Variants in SNTG1 observed in about 807,000 individuals in gnomAD.
SNTG1 encodes gamma-1-syntrophin.
In SNTG1, 39 loss-of-function variants were observed where a neutral mutation model predicts 74.7. The observed-to-expected ratio is 0.52, with a 90% CI of 0.40 to 0.68. The LOEUF is 0.68. SNTG1 is among the 30% of genes least tolerant of loss of function. The pLI is 0.00. For missense variants in SNTG1, 685 were observed against 609.5 expected, an observed-to-expected ratio of 1.12 and a Z score of -1.30; for synonymous variants, 254 against 217.1, an observed-to-expected ratio of 1.17 and a Z score of -1.49.
chr8:49,943,089 T>C (rs1252070949), intron 1 of SNTG1, among the ~76,000 whole-genome samples: 2 of 152,236 alleles, frequency 1.3e-5, no homozygotes. Flanking sequence ...ATTTCAGTCA[T>C]AATGCAATAC....
chr8:50,774,982 T>C (rs541616155), intron 18 of SNTG1, among the ~76,000 whole-genome samples: 2 of 150,626 alleles, frequency 1.3e-5, no homozygotes, highest in African/African-American at 2.4e-5. Flanking sequence ...TATATACTTA[T>C]ATATAATTTA....
intron 2 of SNTG1, among the ~76,000 whole-genome samples, chr8:50,365,527 G>C (rs1462167919): frequency 1.3e-5 from 2 of 151,992 alleles, no homozygotes; most frequent in Non-Finnish European, 2.9e-5. Flanking sequence ...TGATATATCT[G>C]ATCTAAAGTA....
intron 9 of SNTG1, among the ~76,000 whole-genome samples, chr8:50,522,879 A>T (rs1433556119): frequency 1.3e-5 from 2 of 152,008 alleles, no homozygotes; most frequent in Non-Finnish European, 2.9e-5. Flanking sequence ...ACCTGGCTTG[A>T]CTTCCTTTTA....
At chr8:50,502,188 G>A (rs909190233) in intron 8 of SNTG1, among the ~76,000 whole-genome samples, 1 of 151,908 alleles carries the variant, frequency 6.6e-6, no homozygotes, top group Non-Finnish European at 1.5e-5. Context: ...GGTTTGCAGG[G>A]GAAAGAAAAG....
chr8:50,123,265 A>G (rs1219174744), intron 1 of SNTG1, among the ~76,000 whole-genome samples: 1 of 143,074 alleles, frequency 7.0e-6, no homozygotes, highest in African/African-American at 2.5e-5. Flanking sequence ...ACACAATTAC[A>G]TCGGTGCATA....
At chr8:50,613,829 A>C (rs1391742585) in intron 13 of SNTG1, among the ~76,000 whole-genome samples, 2 of 152,266 alleles carry the variant, frequency 1.3e-5, no homozygotes. Context: ...CGATAACATA[A>C]ATTTGTACAA....
chr8:50,255,134 T>G (rs920510402), intron 2 of SNTG1, among the ~76,000 whole-genome samples: 3 of 152,036 alleles, frequency 2.0e-5, no homozygotes, highest in Non-Finnish European at 4.4e-5. Context: ...TGAGCTCATC[T>G]TAGAGAACTA....
intron 1 of SNTG1, among the ~76,000 whole-genome samples, chr8:50,139,449 T>C (rs912621717): frequency 6.6e-6 from 1 of 152,188 alleles, no homozygotes; most frequent in African/African-American, 2.4e-5. Context: ...TGACTAGCAC[T>C]CCCAGAAGAG....
chr8:50,084,436 G>A (rs1019000329), intron 1 of SNTG1, among the ~76,000 whole-genome samples: 1 of 152,092 alleles, frequency 6.6e-6, no homozygotes, highest in African/African-American at 2.4e-5. Context: ...CTCCAGCCTG[G>A]TGACAGAGTG....
chr8:50,414,144 G>T (rs1428251784), intron 4 of SNTG1, among the ~76,000 whole-genome samples: 1 of 152,174 alleles, frequency 6.6e-6, no homozygotes, highest in Non-Finnish European at 1.5e-5. Flanking sequence ...TCATGGTCTT[G>T]GCACTCTATA....
intron 2 of SNTG1, among the ~76,000 whole-genome samples, chr8:50,356,068 C>T (rs1441638488): frequency 1.3e-5 from 2 of 151,944 alleles, no homozygotes; most frequent in Admixed American, 6.6e-5. Context: ...GTCTGTCTTT[C>T]AGCATTTTGG....
chr8:50,351,291 G>C (rs941048963), intron 2 of SNTG1, among the ~76,000 whole-genome samples: 1 of 152,194 alleles, frequency 6.6e-6, no homozygotes, highest in East Asian at 1.9e-4. Context: ...ACCAGGACAA[G>C]TTGGGTACTT....
intron 8 of SNTG1, among the ~76,000 whole-genome samples, chr8:50,460,539 T>C (rs1366031175): frequency 6.6e-6 from 1 of 152,198 alleles, no homozygotes; most frequent in Non-Finnish European, 1.5e-5. Flanking sequence ...TTTTGAGGAC[T>C]TAGTTATAAA....
At chr8:49,930,535 T>G (rs1232286571) in intron 1 of SNTG1, among the ~76,000 whole-genome samples, 2 of 151,474 alleles carry the variant, frequency 1.3e-5, no homozygotes, top group Admixed American at 1.3e-4. Context: ...GTGTGTAGCA[T>G]ATGTACATAT....
In SNTG1 at chr8:50,792,999, G is replaced by T; in HGVS notation, c.*170G>T. 1 of 566,412 alleles carries T rather than the reference G, an allele frequency of 1.8e-6. No individual in the cohort carries two copies. Among genetic ancestry groups the T allele is most frequent in the Non-Finnish European group, 2.9e-6 (1 of 345,494 alleles). The allele number at this position is 566,412 out of a possible 1,614,324, so 35.1% of individuals were successfully genotyped here. A position where few individuals can be genotyped will look rare whatever the true frequency, so the allele number is the denominator to read the frequency against. On this transcript the variant is annotated 3_prime_UTR_variant, in exon 19 of 19. Coordinates refer to ENST00000642720, the MANE Select transcript of SNTG1 (RefSeq NM_018967.5). Reference sequence around the variant, plus strand: ...GAACCTCAAAAACACTTCTATTCTGGATGACATCTGTGAAATATACTACAT... The same window carrying T: ...GAACCTCAAAAACACTTCTATTCTGTATGACATCTGTGAAATATACTACAT...
intron 2 of SNTG1, among the ~76,000 whole-genome samples, chr8:50,313,608 T>C (rs2090201669): frequency 6.7e-6 from 1 of 150,040 alleles, no homozygotes; most frequent in Non-Finnish European, 1.5e-5. Context: ...AAATGAGCTA[T>C]ACCTCACACA....
intron 2 of SNTG1, among the ~76,000 whole-genome samples, chr8:50,257,009 C>T (rs2086914390): frequency 6.6e-6 from 1 of 152,006 alleles, no homozygotes; most frequent in Non-Finnish European, 1.5e-5. Context: ...GGCTTTGTAG[C>T]CCCCCTGCTC....
chr8:50,179,928 G>T (rs1044476229), intron 2 of SNTG1, among the ~76,000 whole-genome samples: 2 of 152,140 alleles, frequency 1.3e-5, no homozygotes, highest in Non-Finnish European at 2.9e-5. Context: ...CCTACTGCTG[G>T]TTATATACCC....
rs1247350057 is a variant in SNTG1 at position 50,266,680 on chromosome 8, G to GTATATA, written c.-28+94046_-28+94047insATATAT. The stretch of plus-strand genomic sequence containing the variant: ...TGTGTGTGTGTGTGTGTGTGTGTGT[G>GTATATA]TGTGTATATATATATATATGAATGA... On this transcript the variant is annotated intron_variant, in intron 2 of 18. Transcript: ENST00000642720. Among the ~76,000 whole-genome samples the GTATATA allele has an allele frequency of 4.8e-3, 662 of 136,744 alleles. 4 individuals carry two copies. The highest frequency in any genetic ancestry group is 0.018 in the African/African-American group (616 of 35,064). The allele number at this position is 136,744 out of a possible 152,430, so 89.7% of individuals were successfully genotyped here. A position where few individuals can be genotyped will look rare whatever the true frequency, so the allele number is the denominator to read the frequency against.
Sources: allele counts gnomAD v4.1 joint callset (sites outside exome capture counted in the v4.1 genomes callset), GRCh38; gene constraint gnomAD v4.1.1; transcripts MANE v1.5; gene names NCBI Gene and HGNC (gene_info 2026-07-23, HGNC 2026-07-21).